ZNF302: variants seen among roughly 807,000 people sequenced by gnomAD.
ZNF302 encodes zinc finger protein 327.
ZNF302 carries 12 observed loss-of-function variants against 10.8 expected under a neutral mutation model. The observed-to-expected ratio is 1.11, with a 90% confidence interval of 0.71 to 1.79. The LOEUF (loss-of-function observed/expected upper bound fraction) is 1.79, where lower values mean the gene tolerates loss of function less well. Among genes scored for constraint, ZNF302 ranks in the 40% most tolerant of loss-of-function variants. ZNF302 has a pLI of 0.00. For missense variants in ZNF302, 461 were observed against 471.1 expected, an observed-to-expected ratio of 0.98 and a Z score of 0.20; for synonymous variants, 178 against 157.5, an observed-to-expected ratio of 1.13 and a Z score of -0.98.
In ZNF302 at chr19:34,682,636, T is replaced by TA. The variant is rs1194289267; in HGVS notation, c.10-140dup. On this transcript the variant is annotated intron_variant, in intron 2 of 4. Coordinates refer to ENST00000505242, the MANE Select transcript of ZNF302 (RefSeq NM_001289187.2). ...ACTACATAACTGTCCTATTATTACT[T>TA]ACCTGACATCACATTCCCAGTCATT... The TA allele has an allele frequency of 1.7e-5, 21 of 1,259,984 alleles. No homozygotes were observed. In the Admixed American group the frequency reaches 5.2e-4, roughly 31 times the overall value. 78.1% of individuals were successfully genotyped at this position (1,259,984 alleles called of 1,614,324 possible). A position where few individuals can be genotyped will look rare whatever the true frequency, so the allele number is the denominator to read the frequency against.
At chr19:34,683,620 A>G (rs1025406823) in intron 4 of ZNF302, among the ~76,000 whole-genome samples, 6 of 152,218 alleles carry the variant, frequency 3.9e-5, no homozygotes, top group African/African-American at 1.4e-4. Context: ...TAGATGAAAT[A>G]TGAACATATT....
Position 34,684,361 on chromosome 19 carries a change from A to ATT in ZNF302, c.327_328dup (p.Ser110PhefsTer44). ...AAAAAGTTGTAAAACAAAGTTATGA[A>ATT]TTTTCAAATTCTAATAAGAATTTGG... On this transcript the variant is annotated frameshift_variant, in exon 5 of 5. Transcript: ENST00000505242. LOFTEE classifies it low-confidence loss of function (END_TRUNC). 1 of 1,601,876 alleles carries ATT rather than the reference A, an allele frequency of 6.2e-7. No individual in the cohort carries two copies. Among genetic ancestry groups the ATT allele is most frequent in the Non-Finnish European group, 8.5e-7 (1 of 1,176,234 alleles).
In ZNF302 at chr19:34,682,835, C is replaced by G. The variant is rs1600102328; in HGVS notation, c.68C>G (p.Ser23Cys). The change falls in exon 3 of 5, where the codon TCT becomes TGT. Residue 23 changes from serine (S) to cysteine (C), a missense_variant. Physicochemically the swap from Ser to Cys is moderately radical, Grantham distance 112 (BLOSUM62 -1). Coordinates refer to ENST00000505242, the MANE Select transcript of ZNF302 (RefSeq NM_001289187.2). ...CATGAAGAGTGGGCATGCCTAGATT[C>G]TGCTCAGAGGGACTTATACAAGGAT... ...FSHEEWACLD[S>C]AQRDLYKDVM... is the part of the protein sequence containing the mutation. 6.2e-7 allele frequency: 1 copy of G among 1,613,830 alleles called. No homozygotes were observed. The highest frequency in any genetic ancestry group is 2.2e-5 in the East Asian group (1 of 44,886).
intron 2 of ZNF302, chr19:34,681,425 T>G (rs899802020): frequency 4.6e-5 from 7 of 152,246 alleles, no homozygotes; most frequent in Admixed American, 2.0e-4. Context: ...TTTTTTCCCC[T>G]TCCAGGTCCT....
intron 2 of ZNF302, chr19:34,682,429 C>CTTTATAGCTTT (rs1255054218): frequency 5.6e-6 from 1 of 178,974 alleles, no homozygotes; most frequent in African/African-American, 2.4e-5. Flanking sequence ...AGCATGTAAG[C>CTTTATAGCTTT]TATAAAAGAT....
rs915698645 is a variant in ZNF302, at chr19:34,684,595, C to T, written c.558C>T (p.Ser186=). The change falls in exon 5 of 5, where the codon AGC becomes AGT. Residue 186 remains serine (S), a synonymous_variant. Transcript: ENST00000505242. ...SNKSGAAFNQ[S]KSLTLPQTCN... is the part of the protein sequence containing the mutation. Reference sequence around the variant, plus strand: ...AAAGTGGGGCAGCCTTCAACCAGAGCAAATCTCTTACCCTTCCCCAGACTT... The same window carrying T: ...AAAGTGGGGCAGCCTTCAACCAGAGTAAATCTCTTACCCTTCCCCAGACTT... 1 of 1,614,026 alleles carries T rather than the reference C, an allele frequency of 6.2e-7. No individual in the cohort carries two copies. The highest frequency in any genetic ancestry group is 8.5e-7 in the Non-Finnish European group (1 of 1,179,936).
chr19:34,681,407 A>ACTCTTATT (rs1410963638), intron 2 of ZNF302: 1 of 152,070 alleles, frequency 6.6e-6, no homozygotes, highest in African/African-American at 2.4e-5. Flanking sequence ...TTTGAAATCT[A>ACTCTTATT]CTCTTATTTT....
At chr19:34,679,405 G>A (rs918444075) in intron 2 of ZNF302, among the ~76,000 whole-genome samples, 12 of 151,966 alleles carry the variant, frequency 7.9e-5, no homozygotes, top group South Asian at 2.1e-4. Context: ...CTGTCATTCC[G>A]CAACCTAAAA....
rs1003054717 is a variant in ZNF302, at chr19:34,685,518, C to G, written c.*281C>G. 2 of 1,563,582 alleles carry G rather than the reference C, an allele frequency of 1.3e-6. No individual in the cohort carries two copies. The highest frequency in any genetic ancestry group is 1.8e-6 in the Non-Finnish European group (2 of 1,135,294). ...TGTGGGAAAGCTTTTAGCAAAGGCT[C>G]GAATCTTACTGCCCATCAAAGAGTA... On this transcript the variant is annotated 3_prime_UTR_variant, in exon 5 of 5. Coordinates refer to ENST00000505242, the MANE Select transcript of ZNF302 (RefSeq NM_001289187.2).
At chr19:34,678,300 G>A (rs2068095996) in intron 1 of ZNF302, among the ~76,000 whole-genome samples, 197 bp downstream of exon 1, 1 of 152,160 alleles carries the variant, frequency 6.6e-6, no homozygotes, top group Non-Finnish European at 1.5e-5. Flanking sequence ...GGGCGTGGTG[G>A]CACGTGTCTA....
rs759315522 is a variant in ZNF302 at position 34,684,324 on chromosome 19, C to T, written c.287C>T (p.Pro96Leu). The T allele has an allele frequency of 6.3e-7, 1 of 1,594,670 alleles. No homozygotes were observed. The highest frequency in any genetic ancestry group is 2.2e-5 in the East Asian group (1 of 44,602). ...KDIYDEDSPQ[P>L]VTMEKVVKQS... is the part of the protein sequence containing the mutation. ...ATTTATGATGAAGATTCACCCCAAC[C>T]AGTAACAATGGAAAAAGTTGTAAAA... The change falls in exon 5 of 5, where the codon CCA becomes CTA. Residue 96 changes from proline to leucine, a missense_variant. Pro to Leu is a moderately conservative substitution (Grantham distance 98). Coordinates refer to ENST00000505242, the MANE Select transcript of ZNF302 (RefSeq NM_001289187.2).
intron 1 of ZNF302, among the ~76,000 whole-genome samples, 171 bp downstream of exon 1, chr19:34,678,274 C>CAA (rs58776788): frequency 4.6e-5 from 7 of 151,210 alleles, no homozygotes; most frequent in East Asian, 1.9e-4. Flanking sequence ...ACTAAAAATA[C>CAA]AAAAAAAAAT....
intron 4 of ZNF302, chr19:34,683,925 G>T: frequency 8.2e-7 from 1 of 1,217,746 alleles, no homozygotes; most frequent in Non-Finnish European, 1.0e-6. Context: ...TTGTAATCCT[G>T]AATGCCTTCC....
intron 2 of ZNF302, among the ~76,000 whole-genome samples, chr19:34,680,990 C>CT (rs1315356714): frequency 3.3e-5 from 5 of 151,524 alleles, no homozygotes; most frequent in East Asian, 1.9e-4. Flanking sequence ...AAACTGCTTT[C>CT]TTTTTTTTTC....
At chr19:34,677,297 T>A (rs142419425), upstream of ZNF302, 48 of 152,180 alleles carry the variant, frequency 3.2e-4, no homozygotes, top group African/African-American at 1.1e-3. Flanking sequence ...GGGAAACGTT[T>A]GTGTGAGCGC....
At position 34,684,625 on chromosome 19, in the gene ZNF302, T is replaced by C; in HGVS notation, c.588T>C (p.Asn196=). 2 of 1,614,062 alleles carry C rather than the reference T, an allele frequency of 1.2e-6. No homozygotes were observed. The highest frequency in any genetic ancestry group is 1.1e-5 in the South Asian group (1 of 91,076). Residue 196 remains asparagine (N), a synonymous_variant, in exon 5 of 5, where the codon AAT becomes AAC. Transcript: ENST00000505242. ...SKSLTLPQTC[N]REKIYTCSEC... The stretch of plus-strand genomic sequence containing the variant: ...CTCTTACCCTTCCCCAGACTTGTAA[T>C]AGAGAGAAAATCTATACATGCAGTG...
intron 1 of ZNF302, 84 bp from the exon 2 acceptor site, chr19:34,678,653 C>G: frequency 1.4e-6 from 1 of 721,936 alleles, no homozygotes; most frequent in East Asian, 2.8e-5. Context: ...TACCAGTGTG[C>G]TTTTCCATTA....
Position 34,678,778 on chromosome 19 carries a change from CTG to C in ZNF302, c.-25_-24del, listed in dbSNP as rs932428686. ...AAGATAAGAACCTGGAAAGGGGACT[CTG>C]TTGGCCATTGGAAATTGCAGAATAA... On this transcript the variant is annotated 5_prime_UTR_variant, in exon 2 of 5. Coordinates refer to ENST00000505242, the MANE Select transcript of ZNF302 (RefSeq NM_001289187.2). 1 of 1,613,818 alleles carries C rather than the reference CTG, an allele frequency of 6.2e-7. No individual in the cohort carries two copies.
chr19:34,681,785 G>A (rs1420950477), intron 2 of ZNF302: 1 of 152,182 alleles, frequency 6.6e-6, no homozygotes, highest in East Asian at 1.9e-4. Context: ...CCAGGTGTTA[G>A]ACCCCTGATC....
Sources: allele counts gnomAD v4.1 joint callset (sites outside exome capture counted in the v4.1 genomes callset), GRCh38; gene constraint gnomAD v4.1.1; transcripts MANE v1.5; gene names NCBI Gene and HGNC (gene_info 2026-07-23, HGNC 2026-07-21).